Variants in OR9G4 observed in about 807,000 individuals in gnomAD.
OR9G4 encodes olfactory receptor family 9 subfamily G member 4.
In OR9G4, 19 loss-of-function variants were observed where a neutral mutation model predicts 16.7. That is an observed-to-expected ratio of 1.14 (90% confidence interval 0.79 to 1.67). The LOEUF is 1.67. OR9G4 is among the 40% of genes most tolerant of loss of function. OR9G4 has a pLI of 0.00. For synonymous variants in OR9G4, 182 were observed against 146.2 expected (o/e 1.24, Z -1.76); for missense variants, 428 against 370.4 (o/e 1.16, Z -1.28).
chr11:56,746,279 C>A (rs1023006350), intron 1 of OR9G4, among the ~76,000 whole-genome samples: 1 of 105,688 alleles, frequency 9.5e-6, no homozygotes, highest in Non-Finnish European at 1.7e-5. Flanking sequence ...GGCGACAGAG[C>A]GAGACTCCGT....
Position 56,743,572 on chromosome 11 carries a change from A to G in OR9G4, c.195T>C (p.Asn65=). 1 of 1,614,206 alleles carries G rather than the reference A, an allele frequency of 6.2e-7. No homozygotes were observed. The highest frequency in any genetic ancestry group is 8.5e-7 in the Non-Finnish European group (1 of 1,180,036). The change falls in exon 2 of 2, where the codon AAT becomes AAC. Residue 65 remains asparagine, a synonymous_variant. Coordinates refer to ENST00000641668, the MANE Select transcript of OR9G4 (RefSeq NM_001005284.2). ...TATACCAGAAATCCAAAAAAGACAG[A>G]TTGCCAATGAAAAAGTACATAGGTG... ...LHTPMYFFIG[N]LSFLDFWYTS...
intron 1 of OR9G4, among the ~76,000 whole-genome samples, chr11:56,747,085 T>C (rs1858427540): frequency 6.6e-6 from 1 of 152,122 alleles, no homozygotes. Context: ...CCTTATCTCC[T>C]AACACTCACC....
Position 56,743,445 on chromosome 11 carries a change from C to T in OR9G4, c.322G>A (p.Ala108Thr). Residue 108 changes from alanine (A) to threonine (T), a missense_variant, in exon 2 of 2, where the codon GCC becomes ACC. Ala to Thr is a moderately conservative substitution (Grantham distance 58, BLOSUM62 0). Coordinates refer to ENST00000641668, the MANE Select transcript of OR9G4 (RefSeq NM_001005284.2). ...GAQLFFSCVV[A>T]YTECYLLAAM... ...GCCAGGAGATAGCATTCAGTGTAGG[C>T]TACAACACAGGAAAAAAACAGCTGA... The T allele has an allele frequency of 5.0e-6, 8 of 1,614,008 alleles. No individual in the cohort carries two copies. Among genetic ancestry groups the T allele is most frequent in the Non-Finnish European group, 6.8e-6 (8 of 1,180,018 alleles).
chr11:56,748,336 T>C (rs1396499671), intron 1 of OR9G4, among the ~76,000 whole-genome samples: 2 of 152,182 alleles, frequency 1.3e-5, no homozygotes, highest in Non-Finnish European at 2.9e-5. Context: ...TGCCATACAC[T>C]AGTAGTTTAG....
At chr11:56,745,330 G>A (rs1858390258) in intron 1 of OR9G4, among the ~76,000 whole-genome samples, 2 of 152,104 alleles carry the variant, frequency 1.3e-5, no homozygotes, top group African/African-American at 4.8e-5. Flanking sequence ...GGATTGTGGG[G>A]TCCAATATTT....
At chr11:56,747,571 G>A (rs186663088) in intron 1 of OR9G4, among the ~76,000 whole-genome samples, 1 of 152,236 alleles carries the variant, frequency 6.6e-6, no homozygotes, top group Non-Finnish European at 1.5e-5. Flanking sequence ...CCAGCACAAA[G>A]AACAGTTCCT....
Position 56,743,777 on chromosome 11 carries a change from G to A in OR9G4, c.-11C>T. The A allele has an allele frequency of 6.2e-7, 1 of 1,613,624 alleles. No homozygotes were observed. The highest frequency in any genetic ancestry group is 8.5e-7 in the Non-Finnish European group (1 of 1,179,796). ...ATTTCCCACTTCCATGTCCACGGAG[G>A]TGAAAGCCTGACTATCATGAGAAGG... On this transcript the variant is annotated 5_prime_UTR_variant, in exon 2 of 2. Transcript: ENST00000641668.
intron 1 of OR9G4, among the ~76,000 whole-genome samples, chr11:56,746,488 A>G (rs1858419269): frequency 6.6e-6 from 1 of 152,122 alleles, no homozygotes; most frequent in Non-Finnish European, 1.5e-5. Context: ...AAAACACGCA[A>G]AATTTTAATG....
rs540098933 is a variant in OR9G4 at position 56,741,855 on chromosome 11, A to T, written c.*973T>A. On this transcript the variant is annotated 3_prime_UTR_variant, in exon 2 of 2. Coordinates refer to ENST00000641668, the MANE Select transcript of OR9G4 (RefSeq NM_001005284.2). ...AATATCAACCCAACCTGCCATCACA[A>T]GGGGGTTCAGTTATGGAGTTTATAT... is the stretch of plus-strand genomic sequence containing the variant. 1 of 152,270 alleles carries T rather than the reference A, an allele frequency of 6.6e-6. No individual in the cohort carries two copies. The highest frequency in any genetic ancestry group is 1.5e-5 in the Non-Finnish European group (1 of 68,018). The allele number at this position is 152,270 out of a possible 1,614,324, so 9.4% of individuals were successfully genotyped here.
At chr11:56,746,292 CAAAAAAAAAAAA>C (rs71470125) in intron 1 of OR9G4, among the ~76,000 whole-genome samples, 8 of 70,558 alleles carry the variant, frequency 1.1e-4, no homozygotes, top group Admixed American at 7.4e-4. Context: ...GACTCCGTCT[CAAAAAAAAAAAA>C]AAAAAAAAAA....
Position 56,742,745 on chromosome 11 carries a change from T to A in OR9G4, c.*83A>T, listed in dbSNP as rs1229676895. 2 of 1,217,414 alleles carry A rather than the reference T, an allele frequency of 1.6e-6. No individual in the cohort carries two copies. The highest frequency in any genetic ancestry group is 3.0e-5 in the African/African-American group (2 of 65,886). The allele number at this position is 1,217,414 out of a possible 1,614,324, so 75.4% of individuals were successfully genotyped here. On this transcript the variant is annotated 3_prime_UTR_variant, in exon 2 of 2. Coordinates refer to ENST00000641668, the MANE Select transcript of OR9G4 (RefSeq NM_001005284.2). ...TTAAATATGACTTATTGAACTTAAT[T>A]GAACTACAGAAATGCAAATGAACAC...
At chr11:56,744,451 A>G (rs950884695) in intron 1 of OR9G4, among the ~76,000 whole-genome samples, 6 of 152,128 alleles carry the variant, frequency 3.9e-5, no homozygotes, top group Non-Finnish European at 5.9e-5. Context: ...CACTCAAAAA[A>G]TTTCACTATC....
chr11:56,746,078 G>A (rs899011975), intron 1 of OR9G4, among the ~76,000 whole-genome samples: 18 of 151,866 alleles, frequency 1.2e-4, no homozygotes, highest in Admixed American at 7.9e-4. Flanking sequence ...CGGATCACAA[G>A]GTCAGGAGAT....
Position 56,742,886 on chromosome 11 carries a change from T to C in OR9G4, c.881A>G (p.Asn294Ser), listed in dbSNP as rs1362435884. Residue 294 changes from asparagine to serine, a missense_variant, in exon 2 of 2, where the codon AAC (asparagine) becomes AGC (serine). By Grantham distance (46) the Asn-to-Ser change is conservative. Transcript: ENST00000641668. Reference sequence around the variant, plus strand: ...CCTGAAGGCCTCTTTGATATCTTTGTTTCTCAGGCTATAGATGAGAGGGTT... The same window carrying C: ...CCTGAAGGCCTCTTTGATATCTTTGCTTCTCAGGCTATAGATGAGAGGGTT... ...LLNPLIYSLRNKDIKEAFRKA... is the reference protein window; with the variant it reads ...LLNPLIYSLRSKDIKEAFRKA... The C allele has an allele frequency of 1.2e-6, 2 of 1,614,082 alleles. No individual in the cohort carries two copies. Among genetic ancestry groups the C allele is most frequent in the Non-Finnish European group, 1.7e-6 (2 of 1,179,930 alleles).
intron 1 of OR9G4, among the ~76,000 whole-genome samples, chr11:56,747,794 C>T (rs111858926): frequency 0.011 from 1,622 of 152,282 alleles, 31 homozygotes; most frequent in African/African-American, 0.037. Flanking sequence ...CCTGCCTCAG[C>T]CTCCCAAGTA....
In OR9G4 at chr11:56,742,868, G is replaced by T. The variant is rs761926988; in HGVS notation, c.899C>A (p.Ala300Asp). ...YSLRNKDIKEAFRKATQTIQP... is the reference protein window; with the variant it reads ...YSLRNKDIKEDFRKATQTIQP... ...TATAGTCTGTGTTGCTTTCCTGAAG[G>T]CCTCTTTGATATCTTTGTTTCTCAG... is the stretch of plus-strand genomic sequence containing the variant. The change falls in exon 2 of 2, where the codon GCC becomes GAC. Residue 300 changes from alanine to aspartate, a missense_variant. By Grantham distance (126) the Ala-to-Asp change is moderately radical. Transcript: ENST00000641668. 3.1e-6 allele frequency: 5 copies of T among 1,613,870 alleles called. No homozygotes were observed. In the South Asian group the frequency reaches 4.4e-5, roughly 14 times the overall value.
In OR9G4 at chr11:56,742,214, A is replaced by C. The variant is rs1011286145; in HGVS notation, c.*614T>G. 7.2e-5 allele frequency: 11 copies of C among 152,894 alleles called. No homozygotes were observed. Among genetic ancestry groups the C allele is most frequent in the Non-Finnish European group, 1.3e-4 (9 of 68,604 alleles). The allele number at this position is 152,894 out of a possible 1,614,324, so 9.5% of individuals were successfully genotyped here. On this transcript the variant is annotated 3_prime_UTR_variant, in exon 2 of 2. Coordinates refer to ENST00000641668, the MANE Select transcript of OR9G4 (RefSeq NM_001005284.2). ...GAGAAGACTGTTAGGATGATATGCAATTCTAAAGACACATATTTATTCATT... is the reference window on the plus strand; with the variant it reads ...GAGAAGACTGTTAGGATGATATGCACTTCTAAAGACACATATTTATTCATT...
At chr11:56,745,779 A>AAC (rs1858399313) in intron 1 of OR9G4, among the ~76,000 whole-genome samples, 1 of 151,326 alleles carries the variant, frequency 6.6e-6, no homozygotes, top group Non-Finnish European at 1.5e-5. Flanking sequence ...CTCAAAACAA[A>AAC]AAAAAAAAAA....
rs918372440 is a variant in OR9G4 at position 56,742,845 on chromosome 11, T to C, written c.922A>G (p.Ile308Val). The change falls in exon 2 of 2, where the codon ATA (isoleucine) becomes GTA (valine). Residue 308 changes from isoleucine (I) to valine (V), a missense_variant. Transcript: ENST00000641668. ...AATAACCTTCATGTTTGTGGTTGTA[T>C]AGTCTGTGTTGCTTTCCTGAAGGCC... The part of the protein sequence containing the change: ...KEAFRKATQT[I>V]QPQT 2 of 1,613,634 alleles carry C rather than the reference T, an allele frequency of 1.2e-6. No homozygotes were observed. The highest frequency in any genetic ancestry group is 2.7e-5 in the African/African-American group (2 of 75,050).
Sources: gnomAD v4.1 joint callset for allele counts (sites outside exome capture counted in the v4.1 genomes callset) on GRCh38, gnomAD v4.1.1 for gene constraint, MANE v1.5 for transcripts, NCBI Gene and HGNC (gene_info 2026-07-23, HGNC 2026-07-21) for gene names.